The following WDR72 variants were observed in gnomAD, a reference collection of about 807,000 sequenced individuals.
WDR72 encodes the protein WD repeat-containing protein 72.
A neutral mutation model predicts 124.2 loss-of-function variants in WDR72; 120 were observed. The ratio of observed to expected loss-of-function variants is 0.97; its 90% CI spans 0.83 to 1.12. The LOEUF is 1.12. Ranked by LOEUF, WDR72 falls within the 50% of genes most tolerant of loss-of-function variation. The probability of loss-of-function intolerance (pLI) is 0.00; values close to 1 mark genes in which losing one functional copy is unlikely to be tolerated. For synonymous variants in WDR72, 452 were observed against 441.7 expected, an observed-to-expected ratio of 1.02 and a Z score of -0.29; for missense variants, 1,387 against 1,278.8, an observed-to-expected ratio of 1.08 and a Z score of -1.29.
intron 13 of WDR72, among the ~76,000 whole-genome samples, chr15:53,688,967 G>A (rs866973716): frequency 1.3e-5 from 2 of 152,172 alleles, no homozygotes; most frequent in East Asian, 1.9e-4. Flanking sequence ...AATGGGGAAA[G>A]GATTCCCTAT....
chr15:53,555,212 T>TAA (rs67413847), intron 18 of WDR72, among the ~76,000 whole-genome samples: 46,383 of 148,334 alleles, frequency 0.31, 7,495 homozygotes, highest in Admixed American at 0.41. Context: ...CCATTTAAGA[T>TAA]AAAAAAAAAA....
intron 14 of WDR72, among the ~76,000 whole-genome samples, chr15:53,647,366 C>T: frequency 6.6e-6 from 1 of 152,132 alleles, no homozygotes; most frequent in East Asian, 1.9e-4. Context: ...AATACTAATA[C>T]TGTTTACAAA....
chr15:53,711,589 A>G, intron 7 of WDR72, 108 bp from the exon 8 acceptor site: 3 of 1,129,398 alleles, frequency 2.7e-6, no homozygotes, highest in Non-Finnish European at 3.9e-6. Flanking sequence ...AGCGTTAATA[A>G]CAGACCATAC....
At chr15:53,643,377 T>C (rs2014923724) in intron 14 of WDR72, among the ~76,000 whole-genome samples, 1 of 152,114 alleles carries the variant, frequency 6.6e-6, no homozygotes, top group Admixed American at 6.6e-5. Context: ...AGTTAAACCA[T>C]CACCCACAGT....
At chr15:53,701,368 C>T (rs914629022) in intron 12 of WDR72, among the ~76,000 whole-genome samples, 2 of 152,082 alleles carry the variant, frequency 1.3e-5, no homozygotes, top group African/African-American at 4.8e-5. Context: ...AAAGCAAGAT[C>T]CTGTTTCTAC....
chr15:53,759,255 C>T (rs537098264), intron 1 of WDR72: 1 of 152,148 alleles, frequency 6.6e-6, no homozygotes, highest in African/African-American at 2.4e-5. Context: ...AGTCCAATTC[C>T]CAAGTTCCAA....
chr15:53,597,063 T>C lies in WDR72; in HGVS notation c.3148+16A>G, dbSNP rs1056705959. 11 of 1,612,724 alleles carry C rather than the reference T, an allele frequency of 6.8e-6. No homozygotes were observed. The highest frequency in any genetic ancestry group is 8.5e-6 in the Non-Finnish European group (10 of 1,179,124). ...AAGTTCTGTTGAAAGAGTATACCAA[T>C]AAATTTTGTACTTACTTTGCAGAGG... On this transcript the variant is annotated intron_variant, in intron 18 of 19. Coordinates refer to ENST00000360509, the MANE Select transcript of WDR72 (RefSeq NM_182758.4).
At chr15:53,687,529 G>A (rs2016681600) in intron 13 of WDR72, among the ~76,000 whole-genome samples, 1 of 151,190 alleles carries the variant, frequency 6.6e-6, no homozygotes, top group Non-Finnish European at 1.5e-5. Flanking sequence ...TTGAATCTCT[G>A]AATAGACCAA....
rs141466436 is a variant in WDR72 at position 53,727,535 on chromosome 15, C to T, written c.154-4627G>A. On this transcript the variant is annotated intron_variant, in intron 2 of 19. Transcript: ENST00000360509. ...ATTAGAATCCTGCACAATTCAAGTT[C>T]GCGCTACCTTTTTCCTGAGAAGTCC... is the stretch of plus-strand genomic sequence containing the variant. 2.1e-3 allele frequency among the ~76,000 whole-genome samples: 320 copies of T among 152,236 alleles called. 1 individual carries two copies. In the South Asian group the frequency reaches 0.024, roughly 11 times the overall value.
intron 13 of WDR72, among the ~76,000 whole-genome samples, chr15:53,682,941 T>A (rs746419206): frequency 3.9e-5 from 6 of 152,190 alleles, no homozygotes; most frequent in Non-Finnish European, 7.4e-5. Flanking sequence ...TTGACTCACA[T>A]TTCTTTATGA....
intron 19 of WDR72, among the ~76,000 whole-genome samples, chr15:53,519,786 G>T (rs1316452674): frequency 6.6e-6 from 1 of 151,986 alleles, no homozygotes. Context: ...CTAGAGACCA[G>T]GTGAACAATC....
At chr15:53,623,109 G>A (rs957611632) in intron 14 of WDR72, among the ~76,000 whole-genome samples, 46 of 152,086 alleles carry the variant, frequency 3.0e-4, no homozygotes, top group African/African-American at 8.7e-4. Context: ...TATACTATAC[G>A]GGTTTTGATT....
chr15:53,718,738 T>G (rs1219564721), intron 3 of WDR72, among the ~76,000 whole-genome samples: 5 of 151,796 alleles, frequency 3.3e-5, no homozygotes, highest in African/African-American at 1.2e-4. Flanking sequence ...AAAATTAAAT[T>G]TAAGAATTTT....
intron 2 of WDR72, among the ~76,000 whole-genome samples, chr15:53,728,236 C>T (rs1238539329): frequency 6.6e-6 from 1 of 152,156 alleles, no homozygotes; most frequent in Non-Finnish European, 1.5e-5. Context: ...GGCAGGGAAA[C>T]TCCCCTTTTT....
intron 14 of WDR72, among the ~76,000 whole-genome samples, chr15:53,657,263 C>CAAAAAAAA (rs10549551): frequency 5.1e-3 from 286 of 56,400 alleles, no homozygotes; most frequent in Middle Eastern, 0.037. Flanking sequence ...GACTCCATCT[C>CAAAAAAAA]AAAAAAAAAA....
At chr15:53,624,423 C>G (rs2014125855) in intron 14 of WDR72, among the ~76,000 whole-genome samples, 2 of 152,222 alleles carry the variant, frequency 1.3e-5, no homozygotes, top group African/African-American at 4.8e-5. Flanking sequence ...ACTTCCACTT[C>G]CTCAAAGCTA....
rs769342707 is a variant in WDR72 at position 53,687,544 on chromosome 15, A to G, written c.1765+12206T>C. Among the ~76,000 whole-genome samples the G allele has an allele frequency of 5.4e-3, 820 of 151,284 alleles. 5 individuals carry two copies. Among genetic ancestry groups the G allele is most frequent in the African/African-American group, 0.019 (781 of 40,954 alleles). ...TTGAATCTCTGAATAGACCAATAAC[A>G]GGATCTGAAATTGTGGCAATAATCA... is the stretch of plus-strand genomic sequence containing the variant. On this transcript the variant is annotated intron_variant, in intron 13 of 19. Transcript: ENST00000360509.
chr15:53,640,018 T>C (rs1396862930), intron 14 of WDR72, among the ~76,000 whole-genome samples: 2 of 152,212 alleles, frequency 1.3e-5, no homozygotes, highest in Non-Finnish European at 2.9e-5. Flanking sequence ...TATTCAATGC[T>C]GAAATATAAT....
chr15:53,582,823 G>T (rs2012002307), intron 18 of WDR72, among the ~76,000 whole-genome samples: 1 of 151,710 alleles, frequency 6.6e-6, no homozygotes. Flanking sequence ...CTATATTTTT[G>T]ACTAATAGTT....
Sources: allele counts gnomAD v4.1 joint callset (sites outside exome capture counted in the v4.1 genomes callset), GRCh38; gene constraint gnomAD v4.1.1; transcripts MANE v1.5; gene names NCBI Gene and HGNC (gene_info 2026-07-23, HGNC 2026-07-21).